SLC3A1: variants seen among roughly 807,000 people sequenced by gnomAD.
SLC3A1 encodes the protein amino acid transporter heavy chain SLC3A1.
In SLC3A1, 78 loss-of-function variants were observed where a neutral mutation model predicts 60.3. The observed-to-expected ratio is 1.29, with a 90% CI of 1.08 to 1.56. The LOEUF is 1.56. Among genes scored for constraint, SLC3A1 ranks in the 40% most tolerant of loss-of-function variants. The pLI, the probability that SLC3A1 is intolerant of heterozygous loss-of-function variation, is 0.00. For synonymous variants in SLC3A1, 392 were observed against 307.9 expected (o/e 1.27, Z -2.86); for missense variants, 1,172 against 858.9 (o/e 1.36, Z -4.56).
intron 7 of SLC3A1, among the ~76,000 whole-genome samples, chr2:44,310,753 T>C (rs1672275125): frequency 6.6e-6 from 1 of 152,228 alleles, no homozygotes; most frequent in South Asian, 2.1e-4. Context: ...GAGACTCCCA[T>C]TATGCATATG....
intron 7 of SLC3A1, among the ~76,000 whole-genome samples, chr2:44,310,106 C>G (rs1410142966): frequency 1.3e-5 from 2 of 152,090 alleles, no homozygotes; most frequent in Admixed American, 1.3e-4. Context: ...GTTGTCCAAG[C>G]TGGTCTTGAA....
At chr2:44,316,546 A>C (rs1672463900) in intron 9 of SLC3A1, 1 of 152,218 alleles carries the variant, frequency 6.6e-6, no homozygotes, top group Non-Finnish European at 1.5e-5. Flanking sequence ...ACAGGAGAAC[A>C]GACTGGAGGA....
intron 5 of SLC3A1, 105 bp from the exon 6 acceptor site, chr2:44,300,898 C>CGCTTG (rs1671986025): frequency 5.3e-6 from 7 of 1,324,262 alleles, no homozygotes; most frequent in Non-Finnish European, 7.6e-6. Context: ...GTGTGCGTCT[C>CGCTTG]GCTTGGCTTG....
downstream of SLC3A1, among the ~76,000 whole-genome samples, chr2:44,322,066 C>G (rs544666575): frequency 1.3e-5 from 2 of 152,154 alleles, no homozygotes; most frequent in South Asian, 4.1e-4. Flanking sequence ...GGACAAGCAA[C>G]AGAAGACAAA....
intron 9 of SLC3A1, chr2:44,314,403 TC>T (rs1672375693): frequency 4.1e-6 from 1 of 245,596 alleles, no homozygotes; most frequent in Admixed American, 4.9e-5. Flanking sequence ...CCATACATGA[TC>T]CTTAAAGTGG....
intron 9 of SLC3A1, chr2:44,318,240 G>C (rs189301854): frequency 8.9e-6 from 3 of 336,884 alleles, no homozygotes; most frequent in Non-Finnish European, 1.8e-5. Context: ...ACAGGTGCAC[G>C]TCATTATGCC....
At chr2:44,317,120 C>T (rs1264519002) in intron 9 of SLC3A1, among the ~76,000 whole-genome samples, 2 of 152,096 alleles carry the variant, frequency 1.3e-5, no homozygotes, top group Non-Finnish European at 2.9e-5. Flanking sequence ...TAGATTTGAG[C>T]TGTTCAGTAG....
chr2:44,319,930 A>T (rs2103636467), intron 9 of SLC3A1: 1 of 388,098 alleles, frequency 2.6e-6, no homozygotes, highest in East Asian at 5.1e-5. Flanking sequence ...AAGTGGAGTC[A>T]AATTTGATCT....
At position 44,304,216 on chromosome 2, in the gene SLC3A1, G is replaced by C. The variant is rs879427147; in HGVS notation, c.1210G>C (p.Glu404Gln). Residue 404 changes from glutamate to glutamine, a missense_variant, in exon 7 of 10, where the codon GAA becomes CAA. Physicochemically the swap from Glu to Gln is conservative, Grantham distance 29. Coordinates refer to ENST00000260649, the MANE Select transcript of SLC3A1 (RefSeq NM_000341.4). ...GTACTATGGATTGCCATTTATCCAA[G>C]AAGCTGATTTTCCCTTCAACAATTA... is the stretch of plus-strand genomic sequence containing the variant. ...VMYYGLPFIQ[E>Q]ADFPFNNYLS... The C allele has an allele frequency of 1.9e-6, 3 of 1,614,094 alleles. No individual in the cohort carries two copies. The highest frequency in any genetic ancestry group is 2.5e-6 in the Non-Finnish European group (3 of 1,179,958).
chr2:44,288,949 C>T (rs6743552), intron 4 of SLC3A1, among the ~76,000 whole-genome samples: 5 of 151,774 alleles, frequency 3.3e-5, no homozygotes, highest in Non-Finnish European at 7.4e-5. Flanking sequence ...ATTCTTGCGC[C>T]TCAGCTTCCT....
chr2:44,305,427 C>CTT (rs139686441), intron 7 of SLC3A1, among the ~76,000 whole-genome samples: 20 of 115,878 alleles, frequency 1.7e-4, no homozygotes, highest in Admixed American at 1.2e-3. Flanking sequence ...TCTTTTCTTA[C>CTT]TTTTTTTTTT....
At chr2:44,314,788 G>C (rs572553729) in intron 9 of SLC3A1, 1 of 149,742 alleles carries the variant, frequency 6.7e-6, no homozygotes, top group East Asian at 1.9e-4. Context: ...AATATATATG[G>C]GTTGAATGCC....
chr2:44,306,827 G>A (rs1672170654), intron 7 of SLC3A1, among the ~76,000 whole-genome samples: 1 of 152,012 alleles, frequency 6.6e-6, no homozygotes, highest in South Asian at 2.1e-4. Flanking sequence ...AAAGTGCTGG[G>A]ATTACAGGTG....
Position 44,299,031 on chromosome 2 carries a change from CTTTTTT to C in SLC3A1, c.892-923_892-918del, listed in dbSNP as rs3074475. Among the ~76,000 whole-genome samples, 176 of 124,370 alleles carry C rather than the reference CTTTTTT, an allele frequency of 1.4e-3. 2 individuals are homozygous for C. Among genetic ancestry groups the C allele is most frequent in the African/African-American group, 5.0e-3 (166 of 33,258 alleles). 81.6% of individuals were successfully genotyped at this position (124,370 alleles called of 152,430 possible). A position where few individuals can be genotyped will look rare whatever the true frequency, so the allele number is the denominator to read the frequency against. On this transcript the variant is annotated intron_variant, in intron 4 of 9. Coordinates refer to ENST00000260649, the MANE Select transcript of SLC3A1 (RefSeq NM_000341.4). Reference sequence around the variant, plus strand: ...AAAGCCAGTGGAATAATGTAGATTCCTTTTTTTTTTTTTTTTTTTTTTAAAAGACAG... The same window carrying C: ...AAAGCCAGTGGAATAATGTAGATTCCTTTTTTTTTTTTTTTTAAAAGACAG...
chr2:44,304,311 G>A lies in SLC3A1; in HGVS notation c.1305G>A (p.Met435Ile), dbSNP rs1464980895. Residue 435 changes from methionine to isoleucine, a missense_variant, in exon 7 of 10, where the codon ATG becomes ATA. Met to Ile is a conservative substitution (Grantham distance 10). Coordinates refer to ENST00000260649, the MANE Select transcript of SLC3A1 (RefSeq NM_000341.4). ...TTATCACATCCTGGATGGAAAACAT[G>A]CCAGAAGGAAAATGGCCTAACTGGA... ...YEVITSWMEN[M>I]PEGKWPNWMI... 1.2e-6 allele frequency: 2 copies of A among 1,614,106 alleles called. No homozygotes were observed. Among genetic ancestry groups the A allele is most frequent in the Admixed American group, 1.7e-5 (1 of 60,026 alleles).
At chr2:44,322,265 A>G (rs1673048191), downstream of SLC3A1, among the ~76,000 whole-genome samples, 1 of 152,114 alleles carries the variant, frequency 6.6e-6, no homozygotes. Flanking sequence ...CTGATATGGC[A>G]TGTAGTTTCA....
chr2:44,321,974 C>A, downstream of SLC3A1: 1 of 1,433,922 alleles, frequency 7.0e-7, no homozygotes. Flanking sequence ...CCCATTCCTC[C>A]CCTCTTCTTT....
intron 5 of SLC3A1, 104 bp from the exon 6 acceptor site, chr2:44,300,899 G>C (rs923650651): frequency 7.5e-7 from 1 of 1,338,420 alleles, no homozygotes; most frequent in Non-Finnish European, 1.1e-6. Context: ...TGTGCGTCTC[G>C]CTTGGCTTGA....
Position 44,320,555 on chromosome 2 carries a change from C to A in SLC3A1, c.1974C>A (p.Arg658=), listed in dbSNP as rs563709928. ...ACAACACGAAGAATCTCCTTCATCG[C>A]CAAACAGCTTTCAGAGATAGATGCT... ...FEHNTKNLLH[R]QTAFRDRCFV... Residue 658 remains arginine (R), a synonymous_variant, in exon 10 of 10, where the codon CGC becomes CGA. Coordinates refer to ENST00000260649, the MANE Select transcript of SLC3A1 (RefSeq NM_000341.4). The A allele has an allele frequency of 4.3e-6, 7 of 1,614,060 alleles. No individual in the cohort carries two copies. The African/African-American group carries it at 5.3e-5, about 12-fold the overall frequency.
Sources: gnomAD v4.1 joint callset for allele counts (sites outside exome capture counted in the v4.1 genomes callset) on GRCh38, gnomAD v4.1.1 for gene constraint, MANE v1.5 for transcripts, NCBI Gene and HGNC (gene_info 2026-07-23, HGNC 2026-07-21) for gene names.